Variants in FLT1 observed in about 807,000 individuals in gnomAD.
FLT1 encodes the protein vascular endothelial growth factor receptor 1.
Under a neutral mutation model 156.3 loss-of-function variants are expected in FLT1, and 49 were observed. That is an observed-to-expected ratio of 0.31 (90% CI 0.25 to 0.40). FLT1 has a LOEUF of 0.40. FLT1 is among the 10% of genes least tolerant of loss of function. FLT1 has a pLI of 1.00. For synonymous variants in FLT1, 594 were observed against 583.8 expected, an observed-to-expected ratio of 1.02 and a Z score of -0.25; for missense variants, 1,322 against 1,637.2, an observed-to-expected ratio of 0.81 and a Z score of 3.32.
rs779306159 is a variant in FLT1 at position 28,308,793 on chromosome 13, G to A, written c.3720+50C>T. The A allele has an allele frequency of 4.5e-6, 5 of 1,119,222 alleles. No individual in the cohort carries two copies. In the Admixed American group the frequency reaches 8.4e-5, roughly 19 times the overall value. 69.3% of individuals were successfully genotyped at this position (1,119,222 alleles called of 1,614,324 possible). On this transcript the variant is annotated intron_variant, in intron 28 of 29. Coordinates refer to ENST00000282397, the MANE Select transcript of FLT1 (RefSeq NM_002019.4). ...TGGCGTTGGTGTTTGGAAGGGATCT[G>A]AAGAAGGGGTCTATCGGGGTGCACT...
intron 1 of FLT1, among the ~76,000 whole-genome samples, chr13:28,471,213 A>G (rs1179163661): frequency 6.6e-6 from 1 of 152,184 alleles, no homozygotes; most frequent in Non-Finnish European, 1.5e-5. Flanking sequence ...AAAACAGTTA[A>G]CCAAAACACA....
chr13:28,380,847 A>G (rs115313181), intron 14 of FLT1, among the ~76,000 whole-genome samples: 1,538 of 152,314 alleles, frequency 0.01, 26 homozygotes, highest in African/African-American at 0.035. Context: ...AGCCAAGACT[A>G]TGGGCCAGCT....
chr13:28,321,733 C>G (rs1871470104), intron 22 of FLT1, 148 bp from the exon 23 acceptor site: 1 of 770,620 alleles, frequency 1.3e-6, no homozygotes, highest in Non-Finnish European at 2.2e-6. Flanking sequence ...TTACCATAAA[C>G]ATGAAGAGCC....
intron 15 of FLT1, among the ~76,000 whole-genome samples, chr13:28,356,793 T>C (rs1487640297): frequency 6.6e-6 from 1 of 152,224 alleles, no homozygotes; most frequent in Non-Finnish European, 1.5e-5. Context: ...CAATATGCCA[T>C]AGATATTTAC....
At chr13:28,418,310 T>G (rs1301278720) in intron 10 of FLT1, among the ~76,000 whole-genome samples, 1 of 152,164 alleles carries the variant, frequency 6.6e-6, no homozygotes, top group East Asian at 1.9e-4. Context: ...TCATGAAATT[T>G]GAGCCCAATT....
chr13:28,386,316 T>C, intron 13 of FLT1: 1 of 1,028,758 alleles, frequency 9.7e-7, no homozygotes, highest in Non-Finnish European at 1.2e-6. Context: ...GGTTAAAATG[T>C]ATATTATCAC....
intron 1 of FLT1, among the ~76,000 whole-genome samples, chr13:28,485,797 C>T (rs141777057): frequency 7.9e-5 from 12 of 152,318 alleles, no homozygotes; most frequent in African/African-American, 2.9e-4. Flanking sequence ...TGCAACACCG[C>T]TGCCCCCAGG....
At chr13:28,321,161 G>T (rs1345511970) in intron 23 of FLT1, among the ~76,000 whole-genome samples, 2 of 152,182 alleles carry the variant, frequency 1.3e-5, no homozygotes, top group South Asian at 2.1e-4. Context: ...TCAAAGGAAG[G>T]TAATGCTAAG....
At chr13:28,409,182 A>G (rs1875990415) in intron 10 of FLT1, among the ~76,000 whole-genome samples, 1 of 152,206 alleles carries the variant, frequency 6.6e-6, no homozygotes, top group African/African-American at 2.4e-5. Flanking sequence ...AGATGACACT[A>G]CTGACCTACA....
At chr13:28,345,589 G>C (rs2138859569) in intron 15 of FLT1, 38 bp from the exon 16 acceptor site, 1 of 1,222,672 alleles carries the variant, frequency 8.2e-7, no homozygotes, top group South Asian at 1.3e-5. Context: ...GTGCAACAAA[G>C]AAATTCCCAA....
chr13:28,456,444 T>C (rs1425725184), intron 3 of FLT1, among the ~76,000 whole-genome samples: 1 of 152,146 alleles, frequency 6.6e-6, no homozygotes, highest in Non-Finnish European at 1.5e-5. Context: ...GGCTACATAC[T>C]GTATGATTCC....
At chr13:28,309,668 C>A (rs1212385614) in intron 27 of FLT1, among the ~76,000 whole-genome samples, 1 of 148,508 alleles carries the variant, frequency 6.7e-6, no homozygotes, top group African/African-American at 2.5e-5. Context: ...CCCACCCCCC[C>A]TCCCTCTCTC....
chr13:28,393,305 G>A (rs1216516729), intron 12 of FLT1, among the ~76,000 whole-genome samples: 7 of 152,176 alleles, frequency 4.6e-5, no homozygotes, highest in African/African-American at 1.7e-4. Context: ...GATCAGGCAT[G>A]TGCATTAAGT....
In FLT1 at chr13:28,389,912, G is replaced by A; in HGVS notation, c.1853C>T (p.Thr618Ile). The change falls in exon 13 of 30, where the codon ACT becomes ATT. Residue 618 changes from threonine to isoleucine, a missense_variant. Coordinates refer to ENST00000282397, the MANE Select transcript of FLT1 (RefSeq NM_002019.4). ...KMAITKEHSI[T>I]LNLTIMNVSL... ...AACATTCATGATGGTAAGATTAAGA[G>A]TGATGGAGTGCTCCTTAGTGATGGC... 6.2e-7 allele frequency: 1 copy of A among 1,614,184 alleles called. No homozygotes were observed.
chr13:28,353,803 T>C (rs554124673), intron 15 of FLT1, among the ~76,000 whole-genome samples: 1 of 152,270 alleles, frequency 6.6e-6, no homozygotes, highest in Non-Finnish European at 1.5e-5. Flanking sequence ...TGGCACTAGG[T>C]CCAAACCAAA....
chr13:28,418,436 G>T (rs2137522593), intron 10 of FLT1, among the ~76,000 whole-genome samples: 1 of 152,306 alleles, frequency 6.6e-6, no homozygotes, highest in South Asian at 2.1e-4. Flanking sequence ...ACCAGGTTAG[G>T]CAGGCGCCCT....
rs191947590 is a variant in FLT1 at position 28,424,857 on chromosome 13, C to T, written c.1436+2302G>A. Among the ~76,000 whole-genome samples, 543 of 152,254 alleles carry T rather than the reference C, an allele frequency of 3.6e-3. 4 individuals carry two copies. The highest frequency in any genetic ancestry group is 0.013 in the African/African-American group (525 of 41,550). On this transcript the variant is annotated intron_variant, in intron 10 of 29. Coordinates refer to ENST00000282397, the MANE Select transcript of FLT1 (RefSeq NM_002019.4). Reference sequence around the variant, plus strand: ...AATAAGTGCAATGGAGCATTTCTTACTCATGTGTTACTAAAATTCCTGTCT... The same window carrying T: ...AATAAGTGCAATGGAGCATTTCTTATTCATGTGTTACTAAAATTCCTGTCT...
intron 14 of FLT1, among the ~76,000 whole-genome samples, chr13:28,371,676 A>G (rs1320267473): frequency 6.6e-6 from 1 of 152,188 alleles, no homozygotes; most frequent in African/African-American, 2.4e-5. Flanking sequence ...TCATATGCTG[A>G]GGTTGGCTAA....
chr13:28,401,288 C>CT (rs1875417694), intron 11 of FLT1, among the ~76,000 whole-genome samples: 1 of 152,122 alleles, frequency 6.6e-6, no homozygotes, highest in African/African-American at 2.4e-5. Context: ...ACTGCTTTTG[C>CT]TTTTTGTGGT....
Sources: allele counts gnomAD v4.1 joint callset (sites outside exome capture counted in the v4.1 genomes callset), GRCh38; gene constraint gnomAD v4.1.1; transcripts MANE v1.5; gene names NCBI Gene and HGNC (gene_info 2026-07-23, HGNC 2026-07-21).